Variants in TMEM167A observed in about 807,000 individuals in gnomAD.
TMEM167A encodes transmembrane protein 167A.
A neutral mutation model predicts 11.6 loss-of-function variants in TMEM167A; 8 were observed. The observed-to-expected ratio is 0.69, with a 90% CI of 0.40 to 1.24. The LOEUF is 1.24. Among genes scored for constraint, TMEM167A ranks in the 50% most tolerant of loss-of-function variants. TMEM167A has a pLI of 0.01. For missense variants in TMEM167A, 62 were observed against 87.0 expected, an observed-to-expected ratio of 0.71 and a Z score of 1.14; for synonymous variants, 22 against 28.0, an observed-to-expected ratio of 0.79 and a Z score of 0.67.
At chr5:83,060,736 C>G (rs1744395638) in intron 3 of TMEM167A, among the ~76,000 whole-genome samples, 1 of 150,942 alleles carries the variant, frequency 6.6e-6, no homozygotes, top group Non-Finnish European at 1.5e-5. Context: ...GAGACTGAGG[C>G]AGGAGAAACA....
At chr5:83,070,133 A>G (rs1201166620) in intron 1 of TMEM167A, among the ~76,000 whole-genome samples, 4 of 152,154 alleles carry the variant, frequency 2.6e-5, no homozygotes, top group Admixed American at 2.6e-4. Context: ...CAGATTTTCT[A>G]TTCTATCAAG....
At chr5:83,070,038 T>C (rs67271618) in intron 1 of TMEM167A, among the ~76,000 whole-genome samples, 8,689 of 152,244 alleles carry the variant, frequency 0.057, 289 homozygotes, top group South Asian at 0.17. Flanking sequence ...CTTATATTTA[T>C]GTTAAGGACC....
intron 2 of TMEM167A, chr5:83,064,325 T>C (rs779271534): frequency 3.9e-6 from 2 of 518,618 alleles, no homozygotes; most frequent in South Asian, 2.8e-5. Context: ...GAAGCAGACA[T>C]TTCCACATGC....
Position 83,056,960 on chromosome 5 carries a change from C to G in TMEM167A, c.*124G>C. ...ATAACATTAAAATAGAGAACAGCAT[C>G]TGGAAATTTATCTCATTCAATGTTC... On this transcript the variant is annotated 3_prime_UTR_variant, in exon 4 of 4. Transcript: ENST00000502346. 1.2e-6 allele frequency: 1 copy of G among 847,964 alleles called. No individual in the cohort carries two copies. The highest frequency in any genetic ancestry group is 1.4e-5 in the South Asian group (1 of 70,428). The allele number at this position is 847,964 out of a possible 1,614,324, so 52.5% of individuals were successfully genotyped here. A position where few individuals can be genotyped will look rare whatever the true frequency, so the allele number is the denominator to read the frequency against.
chr5:83,066,638 G>A (rs1744485252), intron 1 of TMEM167A, among the ~76,000 whole-genome samples: 1 of 152,096 alleles, frequency 6.6e-6, no homozygotes, highest in South Asian at 2.1e-4. Flanking sequence ...AAAAGTAGAA[G>A]AGACTGTTGC....
At position 83,055,758 on chromosome 5, in the gene TMEM167A, C is replaced by G. The variant is rs147431149; in HGVS notation, c.*1326G>C. The G allele has an allele frequency of 6.6e-6, 1 of 151,322 alleles. No individual in the cohort carries two copies. The highest frequency in any genetic ancestry group is 2.4e-5 in the African/African-American group (1 of 41,132). The allele number at this position is 151,322 out of a possible 1,614,324, so 9.4% of individuals were successfully genotyped here. On this transcript the variant is annotated 3_prime_UTR_variant, in exon 4 of 4. Transcript: ENST00000502346. ...AAAATAGGTGGCTTTCAGTTCCATA[C>G]GTTGTTTCTGCAGAAATAACTACTA...
rs145514268 is a variant in TMEM167A, at chr5:83,072,598, G to A, written c.3+4723C>T. ...GACTGGAGTGCAGTGGCATGATCTC[G>A]GCTCATTGCAACCTCCACCCCTTGG... On this transcript the variant is annotated intron_variant, in intron 1 of 3. Coordinates refer to ENST00000502346, the MANE Select transcript of TMEM167A (RefSeq NM_174909.5). Among the ~76,000 whole-genome samples, 660 of 152,106 alleles carry A rather than the reference G, an allele frequency of 4.3e-3. 4 individuals carry two copies. Among genetic ancestry groups the A allele is most frequent in the African/African-American group, 0.014 (569 of 41,480 alleles).
intron 1 of TMEM167A, among the ~76,000 whole-genome samples, chr5:83,070,542 T>C (rs974158745): frequency 6.6e-6 from 1 of 152,166 alleles, no homozygotes; most frequent in African/African-American, 2.4e-5. Flanking sequence ...TTAGGTGTTT[T>C]GAAATAATAA....
At chr5:83,073,059 T>C (rs1380500556) in intron 1 of TMEM167A, among the ~76,000 whole-genome samples, 1 of 152,230 alleles carries the variant, frequency 6.6e-6, no homozygotes, top group Non-Finnish European at 1.5e-5. Context: ...AATATTTTTG[T>C]GCAATTAATG....
intron 3 of TMEM167A, among the ~76,000 whole-genome samples, chr5:83,061,172 A>C (rs1270195190): frequency 6.6e-6 from 1 of 152,192 alleles, no homozygotes. Context: ...ATAGGGCAAT[A>C]AAGTGATTAT....
At position 83,056,043 on chromosome 5, in the gene TMEM167A, A is replaced by G. The variant is rs1193486224; in HGVS notation, c.*1041T>C. ...CACATTCCTAATATTCCTCTCGCCT[A>G]GACTAAAAATTGTTGAAGGTCTCCT... On this transcript the variant is annotated 3_prime_UTR_variant, in exon 4 of 4. Transcript: ENST00000502346. The G allele has an allele frequency of 2.0e-5, 3 of 151,980 alleles. No individual in the cohort carries two copies. The highest frequency in any genetic ancestry group is 2.0e-4 in the Admixed American group (3 of 15,234). The allele number at this position is 151,980 out of a possible 1,614,324, so 9.4% of individuals were successfully genotyped here.
chr5:83,073,348 T>A (rs1177045300), intron 1 of TMEM167A, among the ~76,000 whole-genome samples: 6 of 152,130 alleles, frequency 3.9e-5, no homozygotes, highest in Admixed American at 1.3e-4. Context: ...AAAAGATATA[T>A]AACAAAAAAA....
chr5:83,072,792 C>G (rs1744582498), intron 1 of TMEM167A, among the ~76,000 whole-genome samples: 1 of 152,102 alleles, frequency 6.6e-6, no homozygotes, highest in Non-Finnish European at 1.5e-5. Flanking sequence ...TCTTTGCAAT[C>G]AGTATTCAAA....
chr5:83,070,543 G>C (rs1250363329), intron 1 of TMEM167A, among the ~76,000 whole-genome samples: 1 of 152,070 alleles, frequency 6.6e-6, no homozygotes, highest in African/African-American at 2.4e-5. Flanking sequence ...TAGGTGTTTT[G>C]AAATAATAAA....
chr5:83,057,276 G>A (rs1052425214), intron 3 of TMEM167A, 122 bp from the exon 4 acceptor site: 1 of 799,106 alleles, frequency 1.3e-6, no homozygotes, highest in South Asian at 1.5e-5. Context: ...CATTGGGGGT[G>A]GGGCAGTGAC....
chr5:83,065,891 CT>C (rs1373420071), intron 1 of TMEM167A, among the ~76,000 whole-genome samples: 1 of 152,072 alleles, frequency 6.6e-6, no homozygotes, highest in East Asian at 1.9e-4. Context: ...TGGAGGTGGA[CT>C]TATTCTATTC....
At chr5:83,061,604 A>G (rs1276637561) in intron 3 of TMEM167A, among the ~76,000 whole-genome samples, 2 of 152,172 alleles carry the variant, frequency 1.3e-5, no homozygotes, top group South Asian at 4.1e-4. Flanking sequence ...CATGTTGGCC[A>G]GACTGGTCTC....
At chr5:83,074,064 G>A (rs1368344957) in intron 1 of TMEM167A, among the ~76,000 whole-genome samples, 5 of 152,144 alleles carry the variant, frequency 3.3e-5, no homozygotes, top group African/African-American at 9.7e-5. Context: ...CTGCTCCAAA[G>A]CCTTTATCAA....
intron 2 of TMEM167A, among the ~76,000 whole-genome samples, chr5:83,062,323 CTT>C (rs965284821): frequency 3.6e-4 from 54 of 152,064 alleles, no homozygotes; most frequent in African/African-American, 1.3e-3. Context: ...CAAAAACACT[CTT>C]ATAATAAACT....
Sources: gnomAD v4.1 joint callset for allele counts (sites outside exome capture counted in the v4.1 genomes callset) on GRCh38, gnomAD v4.1.1 for gene constraint, MANE v1.5 for transcripts, NCBI Gene and HGNC (gene_info 2026-07-23, HGNC 2026-07-21) for gene names.